The following SNX29 variants were observed in gnomAD, a reference collection of about 807,000 sequenced individuals.
SNX29 encodes sorting nexin-29.
Under a neutral mutation model 102.1 loss-of-function variants are expected in SNX29, and 78 were observed. The ratio of observed to expected loss-of-function variants is 0.76; its 90% CI spans 0.64 to 0.92. The LOEUF (loss-of-function observed/expected upper bound fraction) is 0.92. SNX29 is among the 40% of genes least tolerant of loss of function. The pLI is 0.00. For missense variants in SNX29, 1,280 were observed against 1,061.7 expected, an observed-to-expected ratio of 1.21 and a Z score of -2.86; for synonymous variants, 580 against 414.5, an observed-to-expected ratio of 1.40 and a Z score of -4.85.
chr16:12,544,701 C>T (rs1407803608), intron 20 of SNX29, among the ~76,000 whole-genome samples: 3 of 152,186 alleles, frequency 2.0e-5, no homozygotes, highest in African/African-American at 7.2e-5. Flanking sequence ...TTCTCTTCCT[C>T]CACCATCCCT....
At chr16:12,391,502 T>G (rs2083528114) in intron 16 of SNX29, among the ~76,000 whole-genome samples, 1 of 152,204 alleles carries the variant, frequency 6.6e-6, no homozygotes, top group African/African-American at 2.4e-5. Context: ...GCTTGAAATT[T>G]TAAAAGCAAT....
intron 15 of SNX29, among the ~76,000 whole-genome samples, chr16:12,331,670 G>A (rs1340108892): frequency 6.6e-6 from 1 of 152,102 alleles, no homozygotes; most frequent in Non-Finnish European, 1.5e-5. Flanking sequence ...TCCTGCCTCA[G>A]TCTCTGAAGT....
At position 12,328,363 on chromosome 16, in the gene SNX29, T is replaced by A. The variant is rs540615793; in HGVS notation, c.1783-27800T>A. ...AGTGATGCATTTGTGGTTTCATGTA[T>A]CTTAGAAGTAAAGAAAATTCTTCTA... On this transcript the variant is annotated intron_variant, in intron 15 of 20. Coordinates refer to ENST00000566228, the MANE Select transcript of SNX29 (RefSeq NM_032167.5). Among the ~76,000 whole-genome samples the A allele has an allele frequency of 1.9e-3, 292 of 152,348 alleles. 2 individuals are homozygous for A. The highest frequency in any genetic ancestry group is 6.7e-3 in the African/African-American group (277 of 41,588).
chr16:12,160,664 A>G (rs2141662469), intron 13 of SNX29, among the ~76,000 whole-genome samples: 1 of 152,060 alleles, frequency 6.6e-6, no homozygotes, highest in Admixed American at 6.6e-5. Context: ...CAGTCTTGCA[A>G]ATATGCTAAA....
intron 11 of SNX29, among the ~76,000 whole-genome samples, chr16:12,121,508 G>A (rs534505701): frequency 6.6e-6 from 1 of 152,376 alleles, no homozygotes; most frequent in South Asian, 2.1e-4. Context: ...TGCAGCAGGA[G>A]ACGAAGGCAG....
intron 18 of SNX29, among the ~76,000 whole-genome samples, chr16:12,414,632 C>G (rs917012974): frequency 3.9e-5 from 6 of 152,176 alleles, no homozygotes; most frequent in Admixed American, 1.3e-4. Flanking sequence ...AGGGAGATTT[C>G]TGGTAAAAGT....
chr16:12,267,911 C>G (rs1266629761), intron 14 of SNX29, among the ~76,000 whole-genome samples: 1 of 152,206 alleles, frequency 6.6e-6, no homozygotes, highest in Non-Finnish European at 1.5e-5. Context: ...TGTCCCCTCT[C>G]TGGTCTCATT....
intron 19 of SNX29, among the ~76,000 whole-genome samples, chr16:12,483,114 G>GTTTTGT (rs2088029743): frequency 1.5e-5 from 1 of 66,196 alleles, no homozygotes; most frequent in African/African-American, 6.1e-5. Context: ...AAGTTATTAA[G>GTTTTGT]TTTTTTTTTT....
intron 16 of SNX29, among the ~76,000 whole-genome samples, chr16:12,392,660 C>T (rs143993587): frequency 2.0e-5 from 3 of 152,128 alleles, no homozygotes; most frequent in Non-Finnish European, 4.4e-5. Flanking sequence ...CAGTGCTGCC[C>T]AGAGGATAAA....
intron 20 of SNX29, among the ~76,000 whole-genome samples, chr16:12,553,601 C>A (rs1269545722): frequency 8.1e-6 from 1 of 123,688 alleles, no homozygotes; most frequent in African/African-American, 3.0e-5. Context: ...CCACCCCCCA[C>A]CCCTGCAAGA....
chr16:12,101,375 C>A (rs2053009122), intron 11 of SNX29, among the ~76,000 whole-genome samples: 1 of 136,300 alleles, frequency 7.3e-6, no homozygotes, highest in Admixed American at 7.8e-5. Context: ...AAATGGTTGA[C>A]CCCCAATTTT....
intron 14 of SNX29, among the ~76,000 whole-genome samples, chr16:12,273,343 T>TTTTTTG (rs2079147872): frequency 4.8e-5 from 1 of 20,914 alleles, no homozygotes; most frequent in Non-Finnish European, 1.0e-4. Context: ...TTGTTTTTTG[T>TTTTTTG]TTTTTTTTTT....
chr16:12,134,478 G>C (rs1194128015), intron 13 of SNX29, among the ~76,000 whole-genome samples: 1 of 152,154 alleles, frequency 6.6e-6, no homozygotes, highest in East Asian at 1.9e-4. Context: ...TCATCCTGTG[G>C]CTGTTGGCAG....
intron 8 of SNX29, among the ~76,000 whole-genome samples, chr16:12,059,641 C>T (rs1567169281): frequency 6.6e-6 from 1 of 152,170 alleles, no homozygotes; most frequent in Non-Finnish European, 1.5e-5. Flanking sequence ...GCAATCCCTG[C>T]CTGCGGACCA....
intron 13 of SNX29, among the ~76,000 whole-genome samples, chr16:12,186,858 C>T (rs2076523059): frequency 6.6e-6 from 1 of 152,056 alleles, no homozygotes; most frequent in South Asian, 2.1e-4. Context: ...TCCTTTTGGC[C>T]TAATAAAGAG....
intron 4 of SNX29, among the ~76,000 whole-genome samples, chr16:12,036,483 C>T (rs55719789): frequency 0.33 from 50,569 of 151,596 alleles, 9,630 homozygotes; most frequent in Non-Finnish European, 0.43. Context: ...TACAGGTGCC[C>T]GCCACCACGC....
chr16:12,133,851 G>T (rs2054562190), intron 13 of SNX29, among the ~76,000 whole-genome samples: 1 of 152,220 alleles, frequency 6.6e-6, no homozygotes, highest in Admixed American at 6.5e-5. Context: ...CGAATGCTAA[G>T]TATGCGCTTG....
intron 19 of SNX29, among the ~76,000 whole-genome samples, chr16:12,501,856 T>G (rs556649118): frequency 6.6e-6 from 1 of 152,278 alleles, no homozygotes; most frequent in East Asian, 1.9e-4. Context: ...TAACCTGATT[T>G]AGTCCCAGGG....
chr16:12,539,945 CCT>C, intron 20 of SNX29, among the ~76,000 whole-genome samples: 1 of 152,180 alleles, frequency 6.6e-6, no homozygotes, highest in Non-Finnish European at 1.5e-5. Context: ...AGATGCAAGA[CCT>C]TTGTCGAACA....
Sources: allele counts gnomAD v4.1 joint callset (sites outside exome capture counted in the v4.1 genomes callset), GRCh38; gene constraint gnomAD v4.1.1; transcripts MANE v1.5; gene names NCBI Gene and HGNC (gene_info 2026-07-23, HGNC 2026-07-21).